The following CDC14A variants were observed in gnomAD, a reference collection of about 807,000 sequenced individuals.
The protein encoded by CDC14A is cell division cycle 14A.
Under a neutral mutation model 74.4 loss-of-function variants are expected in CDC14A, and 53 were observed. The ratio of observed to expected loss-of-function variants is 0.71; its 90% CI spans 0.57 to 0.89. The LOEUF (loss-of-function observed/expected upper bound fraction) is 0.89, where lower values mean the gene tolerates loss of function less well. CDC14A is among the 40% of genes least tolerant of loss of function. The pLI, the probability that CDC14A is intolerant of heterozygous loss-of-function variation, is 0.00. For synonymous variants in CDC14A, 247 were observed against 258.4 expected (o/e 0.96, Z 0.43); for missense variants, 646 against 713.7 (o/e 0.91, Z 1.08).
intron 2 of CDC14A, among the ~76,000 whole-genome samples, chr1:100,367,484 T>G (rs944955664): frequency 2.0e-5 from 3 of 152,180 alleles, no homozygotes; most frequent in Admixed American, 6.5e-5. Flanking sequence ...CAGCAATTTT[T>G]CAATGATCTT....
rs111368789 is a variant in CDC14A, at chr1:100,519,167, C to T, written c.*887C>T. 1 of 151,862 alleles carries T rather than the reference C, an allele frequency of 6.6e-6. No individual in the cohort carries two copies. Among genetic ancestry groups the T allele is most frequent in the African/African-American group, 2.4e-5 (1 of 41,342 alleles). 9.4% of individuals were successfully genotyped at this position (151,862 alleles called of 1,614,324 possible). A position where few individuals can be genotyped will look rare whatever the true frequency, so the allele number is the denominator to read the frequency against. The stretch of plus-strand genomic sequence containing the variant: ...AGAGTTCTTAACCCAATTAGGATAT[C>T]CTGCTTTGGGTATGAGGTTGTTGTT... On this transcript the variant is annotated 3_prime_UTR_variant, in exon 16 of 16. Transcript: ENST00000336454.
intron 6 of CDC14A, among the ~76,000 whole-genome samples, chr1:100,441,805 A>C (rs1026196639): frequency 6.6e-6 from 1 of 152,132 alleles, no homozygotes; most frequent in Admixed American, 6.5e-5. Flanking sequence ...ACCACAGCAA[A>C]TATGATTTGA....
intron 3 of CDC14A, among the ~76,000 whole-genome samples, chr1:100,382,677 A>G (rs750934322): frequency 6.6e-6 from 1 of 152,178 alleles, no homozygotes; most frequent in Non-Finnish European, 1.5e-5. Context: ...GCTGTTATGA[A>G]TCAACAGGAT....
At chr1:100,359,156 ACAG>A (rs944840875) in intron 2 of CDC14A, among the ~76,000 whole-genome samples, 5 of 152,136 alleles carry the variant, frequency 3.3e-5, no homozygotes, top group African/African-American at 1.2e-4. Flanking sequence ...AGCAACAACA[ACAG>A]CAGCAGCAGC....
chr1:100,506,351 A>G (rs1649235316), intron 15 of CDC14A, among the ~76,000 whole-genome samples: 1 of 152,182 alleles, frequency 6.6e-6, no homozygotes, highest in African/African-American at 2.4e-5. Context: ...CTAACTACAT[A>G]TCAAGAACAT....
intron 1 of CDC14A, among the ~76,000 whole-genome samples, chr1:100,353,352 C>T (rs1651392297): frequency 6.6e-6 from 1 of 152,180 alleles, no homozygotes; most frequent in Non-Finnish European, 1.5e-5. Flanking sequence ...CGGGACACCC[C>T]CAACCACACC....
intron 8 of CDC14A, among the ~76,000 whole-genome samples, chr1:100,458,881 G>A: frequency 6.6e-6 from 1 of 152,060 alleles, no homozygotes; most frequent in East Asian, 1.9e-4. Context: ...GTGTGTTTGT[G>A]TCAATAGGGA....
intron 2 of CDC14A, among the ~76,000 whole-genome samples, chr1:100,377,104 G>A (rs1464174577): frequency 1.3e-5 from 2 of 149,482 alleles, no homozygotes; most frequent in Admixed American, 6.7e-5. Flanking sequence ...TGCGATCTCT[G>A]GCTCACCGCA....
intron 4 of CDC14A, among the ~76,000 whole-genome samples, chr1:100,420,063 C>CACACACACACATATATATATAT: frequency 1.5e-4 from 9 of 61,590 alleles, no homozygotes; most frequent in African/African-American, 3.6e-4. Flanking sequence ...CACACACACA[C>CACACACACACATATATATATAT]ATATATATAT....
At chr1:100,400,858 A>G (rs1311692144) in intron 4 of CDC14A, among the ~76,000 whole-genome samples, 1 of 152,042 alleles carries the variant, frequency 6.6e-6, no homozygotes, top group Non-Finnish European at 1.5e-5. Context: ...AGGTGCATCA[A>G]TCTTTTCAGT....
At chr1:100,355,322 G>A (rs1013748086) in intron 2 of CDC14A, among the ~76,000 whole-genome samples, 1 of 152,164 alleles carries the variant, frequency 6.6e-6, no homozygotes, top group African/African-American at 2.4e-5. Flanking sequence ...CAGTACAGTG[G>A]TTGTTAATAT....
At chr1:100,503,477 A>G (rs969900100) in intron 15 of CDC14A, among the ~76,000 whole-genome samples, 2 of 152,246 alleles carry the variant, frequency 1.3e-5, no homozygotes, top group Non-Finnish European at 2.9e-5. Flanking sequence ...GAAAGCTGCA[A>G]TTGCTCACTC....
intron 15 of CDC14A, among the ~76,000 whole-genome samples, chr1:100,502,964 T>C (rs937439798): frequency 2.0e-5 from 3 of 152,176 alleles, no homozygotes; most frequent in African/African-American, 7.2e-5. Flanking sequence ...CATTTATAAA[T>C]AGAATTATCA....
At chr1:100,473,791 T>G (rs749461271) in intron 10 of CDC14A, among the ~76,000 whole-genome samples, 7 of 152,156 alleles carry the variant, frequency 4.6e-5, no homozygotes, top group Non-Finnish European at 1.0e-4. Context: ...TGCTTTTTCA[T>G]CCACAAATAG....
At chr1:100,374,911 C>T (rs1655019894) in intron 2 of CDC14A, among the ~76,000 whole-genome samples, 1 of 152,156 alleles carries the variant, frequency 6.6e-6, no homozygotes, top group Non-Finnish European at 1.5e-5. Context: ...TTTTGTATTA[C>T]CTGTAGGACA....
upstream of CDC14A, among the ~76,000 whole-genome samples, chr1:100,351,307 G>A (rs1650961509): frequency 6.6e-6 from 1 of 152,124 alleles, no homozygotes; most frequent in South Asian, 2.1e-4. Context: ...CTCCCTAGAG[G>A]TCAACAAGCG....
chr1:100,351,678 GGA>G, upstream of CDC14A: 2 of 1,445,634 alleles, frequency 1.4e-6, no homozygotes. Flanking sequence ...CTCCGGGACC[GGA>G]GCACTGTAAA....
At chr1:100,410,174 T>G (rs1660486140) in intron 4 of CDC14A, among the ~76,000 whole-genome samples, 1 of 151,040 alleles carries the variant, frequency 6.6e-6, no homozygotes, top group Admixed American at 6.6e-5. Context: ...ATTGTGCTAC[T>G]GCACTCCAGC....
chr1:100,359,629 T>C (rs1178021288), intron 2 of CDC14A, among the ~76,000 whole-genome samples: 6 of 152,156 alleles, frequency 3.9e-5, no homozygotes, highest in South Asian at 4.1e-4. Flanking sequence ...GCCTTTTTTT[T>C]CCTATCAGTG....
Sources: allele counts gnomAD v4.1 joint callset (sites outside exome capture counted in the v4.1 genomes callset), GRCh38; gene constraint gnomAD v4.1.1; transcripts MANE v1.5; gene names NCBI Gene and HGNC (gene_info 2026-07-23, HGNC 2026-07-21).